TMEM232: variants seen among roughly 807,000 people sequenced by gnomAD.
The protein encoded by TMEM232 is transmembrane protein 232.
In TMEM232, 80 loss-of-function variants were observed where a neutral mutation model predicts 78.8. The ratio of observed to expected loss-of-function variants is 1.01; its 90% CI spans 0.85 to 1.22. TMEM232 has a LOEUF of 1.22. TMEM232 is among the 50% of genes most tolerant of loss of function. The pLI, the probability that TMEM232 is intolerant of heterozygous loss-of-function variation, is 0.00. For missense variants in TMEM232, 881 were observed against 742.2 expected (o/e 1.19, Z -2.17); for synonymous variants, 297 against 254.3 (o/e 1.17, Z -1.60).
chr5:110,513,775 G>A (rs551721171), intron 12 of TMEM232: 1 of 166,092 alleles, frequency 6.0e-6, no homozygotes, highest in Admixed American at 6.5e-5. Flanking sequence ...ATGAAAAATA[G>A]TATGGAAGTT....
At chr5:110,466,729 C>T (rs1249679898) in intron 12 of TMEM232, among the ~76,000 whole-genome samples, 2 of 151,730 alleles carry the variant, frequency 1.3e-5, no homozygotes, top group African/African-American at 4.8e-5. Flanking sequence ...TCTCCTGCCT[C>T]AGCCTCCCGA....
chr5:110,482,194 A>G (rs1315572141), intron 12 of TMEM232, among the ~76,000 whole-genome samples: 3 of 152,122 alleles, frequency 2.0e-5, no homozygotes, highest in Non-Finnish European at 4.4e-5. Flanking sequence ...CTCCAATTAG[A>G]GACATCAGTT....
chr5:110,544,823 T>C (rs1773579573), intron 11 of TMEM232, among the ~76,000 whole-genome samples: 4 of 152,142 alleles, frequency 2.6e-5, no homozygotes, highest in African/African-American at 4.8e-5. Context: ...ACTAAAATTA[T>C]AGTCACTGGA....
chr5:110,497,783 C>A (rs1031815186), intron 12 of TMEM232, among the ~76,000 whole-genome samples: 3 of 152,022 alleles, frequency 2.0e-5, no homozygotes. Flanking sequence ...GAATATGTAA[C>A]CCTTGGATAT....
chr5:110,576,020 G>A (rs927146341), intron 10 of TMEM232, among the ~76,000 whole-genome samples: 3 of 152,038 alleles, frequency 2.0e-5, no homozygotes, highest in Non-Finnish European at 2.9e-5. Flanking sequence ...AGGGGGCCGC[G>A]CAGTGATGGT....
intron 12 of TMEM232, among the ~76,000 whole-genome samples, chr5:110,431,095 C>A (rs1435983682): frequency 6.6e-6 from 1 of 151,352 alleles, no homozygotes; most frequent in Non-Finnish European, 1.5e-5. Flanking sequence ...TTAGAGCTGC[C>A]GAGGTAGCCA....
At chr5:110,409,162 T>A (rs1028759411) in intron 2 of TMEM232, among the ~76,000 whole-genome samples, 37 of 152,216 alleles carry the variant, frequency 2.4e-4, no homozygotes, top group Non-Finnish European at 5.0e-4. Flanking sequence ...GTGGCAGGTA[T>A]TCTTCCAATA....
At chr5:110,449,468 T>A (rs1390720476) in intron 12 of TMEM232, among the ~76,000 whole-genome samples, 1 of 152,118 alleles carries the variant, frequency 6.6e-6, no homozygotes, top group African/African-American at 2.4e-5. Context: ...TTAAAGTTTC[T>A]GTATCAGCTG....
chr5:110,654,823 T>C (rs1230731247), intron 2 of TMEM232, among the ~76,000 whole-genome samples: 4 of 152,192 alleles, frequency 2.6e-5, no homozygotes, highest in South Asian at 2.1e-4. Flanking sequence ...TTTCATTTCA[T>C]TGAGCAGCGG....
chr5:110,565,016 T>C (rs1433910391), intron 11 of TMEM232, among the ~76,000 whole-genome samples: 1 of 151,934 alleles, frequency 6.6e-6, no homozygotes, highest in Non-Finnish European at 1.5e-5. Flanking sequence ...AATAAAATAA[T>C]TTCATCGGTT....
intron 10 of TMEM232, among the ~76,000 whole-genome samples, chr5:110,582,538 G>C (rs1778326398): frequency 6.6e-6 from 1 of 151,826 alleles, no homozygotes; most frequent in African/African-American, 2.4e-5. Flanking sequence ...GGCAGTGGCT[G>C]AAATACTAAT....
At chr5:110,709,528 C>G (rs1284986800) in intron 1 of TMEM232, among the ~76,000 whole-genome samples, 1 of 152,048 alleles carries the variant, frequency 6.6e-6, no homozygotes, top group East Asian at 1.9e-4. Flanking sequence ...AAATTGTAAT[C>G]AGGCATCTTC....
intron 1 of TMEM232, among the ~76,000 whole-genome samples, chr5:110,677,909 G>C (rs1188437450): frequency 1.3e-5 from 2 of 152,104 alleles, no homozygotes; most frequent in African/African-American, 2.4e-5. Context: ...AGATACGTTA[G>C]TTCATGCAAA....
intron 12 of TMEM232, among the ~76,000 whole-genome samples, chr5:110,497,431 G>A (rs1765761270): frequency 6.6e-6 from 1 of 152,020 alleles, no homozygotes; most frequent in Non-Finnish European, 1.5e-5. Flanking sequence ...CATTCAAAGT[G>A]AATAAGAGAG....
intron 4 of TMEM232, among the ~76,000 whole-genome samples, chr5:110,639,564 C>A (rs994159581): frequency 1.3e-5 from 2 of 152,064 alleles, no homozygotes; most frequent in Non-Finnish European, 2.9e-5. Flanking sequence ...TCTTACCAAG[C>A]AAACTAGACA....
chr5:110,530,227 A>G (rs1402169755), intron 11 of TMEM232, among the ~76,000 whole-genome samples: 1 of 152,214 alleles, frequency 6.6e-6, no homozygotes, highest in Non-Finnish European at 1.5e-5. Flanking sequence ...AGTTAAAGTA[A>G]TGAGAAAAAT....
intron 2 of TMEM232, among the ~76,000 whole-genome samples, chr5:110,665,000 C>T (rs116344565): frequency 0.012 from 1,785 of 152,234 alleles, 45 homozygotes; most frequent in African/African-American, 0.04. Flanking sequence ...TTATACTCTA[C>T]TCTTTGTGAA....
intron 10 of TMEM232, among the ~76,000 whole-genome samples, chr5:110,579,195 T>C (rs1322626695): frequency 6.6e-6 from 1 of 150,856 alleles, no homozygotes; most frequent in African/African-American, 2.4e-5. Flanking sequence ...AGTGAGATGA[T>C]ATGTTCAAAG....
chr5:110,712,402 A>C (rs1012612031), intron 1 of TMEM232, among the ~76,000 whole-genome samples: 3 of 152,162 alleles, frequency 2.0e-5, no homozygotes, highest in African/African-American at 7.2e-5. Context: ...TATAGGAAAA[A>C]AAATCTAATA....
Sources: gnomAD v4.1 joint callset for allele counts (sites outside exome capture counted in the v4.1 genomes callset) on GRCh38, gnomAD v4.1.1 for gene constraint, MANE v1.5 for transcripts, NCBI Gene and HGNC (gene_info 2026-07-23, HGNC 2026-07-21) for gene names.